The following NELL1 variants were observed in gnomAD, a reference collection of about 807,000 sequenced individuals.
The protein encoded by NELL1 is protein kinase C-binding protein NELL1.
NELL1 carries 76 observed loss-of-function variants against 107.4 expected under a neutral mutation model. The observed-to-expected ratio is 0.71, with a 90% confidence interval of 0.59 to 0.86. The LOEUF (loss-of-function observed/expected upper bound fraction) is 0.86, where lower values mean the gene tolerates loss of function less well. Among genes scored for constraint, NELL1 ranks in the 40% least tolerant of loss-of-function variants. The pLI is 0.00. For missense variants in NELL1, 1,024 were observed against 1,005.5 expected (o/e 1.02, Z -0.25); for synonymous variants, 353 against 341.2 (o/e 1.03, Z -0.38).
chr11:21,256,858 G>C (rs78169602), intron 14 of NELL1, among the ~76,000 whole-genome samples: 4,129 of 152,056 alleles, frequency 0.027, 73 homozygotes, highest in Admixed American at 0.055. Context: ...AGGGCAATGG[G>C]CAAGTGAGAC....
intron 2 of NELL1, among the ~76,000 whole-genome samples, chr11:20,680,993 C>A (rs1451812809): frequency 6.6e-6 from 1 of 152,134 alleles, no homozygotes; most frequent in African/African-American, 2.4e-5. Flanking sequence ...ACTGAGATGG[C>A]TGAAGGGAAT....
chr11:20,837,912 C>T (rs1848562038), intron 3 of NELL1, among the ~76,000 whole-genome samples: 2 of 152,024 alleles, frequency 1.3e-5, no homozygotes, highest in South Asian at 4.1e-4. Context: ...TTTCAATATT[C>T]CATCCTCAAG....
intron 18 of NELL1, among the ~76,000 whole-genome samples, chr11:21,572,111 A>T (rs1391768219): frequency 6.7e-6 from 1 of 149,390 alleles, no homozygotes; most frequent in African/African-American, 2.4e-5. Context: ...GGACAAAAAA[A>T]GTCAATACAA....
intron 13 of NELL1, among the ~76,000 whole-genome samples, chr11:21,167,429 A>G: frequency 6.6e-6 from 1 of 151,800 alleles, no homozygotes; most frequent in Non-Finnish European, 1.5e-5. Flanking sequence ...TGGTTGGCTT[A>G]AGCAGTTAAG....
At chr11:20,978,330 AT>A (rs545742173) in intron 12 of NELL1, among the ~76,000 whole-genome samples, 19 of 152,304 alleles carry the variant, frequency 1.2e-4, no homozygotes, top group Admixed American at 1.2e-3. Flanking sequence ...TATTATTCCC[AT>A]AAAACCAAAG....
At position 21,031,187 on chromosome 11, in the gene NELL1, A is replaced by G. The variant is rs557946128; in HGVS notation, c.1300+70627A>G. Among the ~76,000 whole-genome samples the G allele has an allele frequency of 8.5e-5, 13 of 152,312 alleles. No homozygotes were observed. In the South Asian group the frequency reaches 1.4e-3, roughly 17 times the overall value. On this transcript the variant is annotated intron_variant, in intron 12 of 19. Coordinates refer to ENST00000357134, the MANE Select transcript of NELL1 (RefSeq NM_006157.5). ...AGGTAACATTGCACTGTACAGATAG[A>G]CCGTTCTGTGCACTTCCCTGCTGTT... is the stretch of plus-strand genomic sequence containing the variant.
At position 20,782,035 on chromosome 11, in the gene NELL1, C is replaced by T. The variant is rs565176957; in HGVS notation, c.185-1645C>T. Among the ~76,000 whole-genome samples, 5 of 135,042 alleles carry T rather than the reference C, an allele frequency of 3.7e-5. No homozygotes were observed. In the East Asian group the frequency reaches 1.0e-3, roughly 27 times the overall value. 88.6% of individuals were successfully genotyped at this position (135,042 alleles called of 152,430 possible). ...CAACCTGGTGACAGAGTGAGACCCT[C>T]ATCTCAAAAAAAAAAAAATAATAAT... On this transcript the variant is annotated intron_variant, in intron 2 of 19. Transcript: ENST00000357134.
At chr11:21,568,201 A>C (rs955771261) in intron 17 of NELL1, among the ~76,000 whole-genome samples, 1 of 151,872 alleles carries the variant, frequency 6.6e-6, no homozygotes, top group African/African-American at 2.4e-5. Context: ...TTAGTATTGT[A>C]GGCAATTGTA....
chr11:20,992,464 T>C (rs546974213), intron 12 of NELL1, among the ~76,000 whole-genome samples: 1 of 152,154 alleles, frequency 6.6e-6, no homozygotes, highest in Non-Finnish European at 1.5e-5. Flanking sequence ...AACCTGCTCG[T>C]TTTGTAGATT....
At chr11:21,383,261 G>T (rs1017864728) in intron 15 of NELL1, among the ~76,000 whole-genome samples, 2 of 100,378 alleles carry the variant, frequency 2.0e-5, no homozygotes, top group Non-Finnish European at 4.3e-5. Flanking sequence ...GAAACGATAA[G>T]CAGTATTCGG....
At chr11:21,521,069 A>G (rs1355092473) in intron 15 of NELL1, among the ~76,000 whole-genome samples, 12 of 151,856 alleles carry the variant, frequency 7.9e-5, no homozygotes, top group Admixed American at 7.9e-4. Context: ...CCTGACTTTT[A>G]CTGGTTTCTT....
At position 21,575,015 on chromosome 11, in the gene NELL1, A is replaced by ATAAT; in HGVS notation, c.2428_2431dup (p.Ter811=). On this transcript the variant is annotated frameshift_variant, in exon 20 of 20. Coordinates refer to ENST00000357134, the MANE Select transcript of NELL1 (RefSeq NM_006157.5). LOFTEE classifies it high-confidence loss of function. ...TCTGTGGATTTTGAGTGTCTTCAAA[A>ATAAT]TAATTGAAGTATTTACAGTGGACTC... 6.2e-7 allele frequency: 1 copy of ATAAT among 1,609,490 alleles called. No individual in the cohort carries two copies. The highest frequency in any genetic ancestry group is 8.5e-7 in the Non-Finnish European group (1 of 1,176,650).
intron 14 of NELL1, among the ~76,000 whole-genome samples, chr11:21,289,977 AG>A: frequency 6.6e-6 from 1 of 152,318 alleles, no homozygotes; most frequent in East Asian, 1.9e-4. Context: ...TCTAAAAGAA[AG>A]GAAGCAGCCC....
At chr11:20,854,103 C>A (rs1848837515) in intron 4 of NELL1, among the ~76,000 whole-genome samples, 1 of 152,108 alleles carries the variant, frequency 6.6e-6, no homozygotes, top group Non-Finnish European at 1.5e-5. Flanking sequence ...AACTCATTTG[C>A]TCTAATTTTC....
At chr11:20,979,481 A>G (rs1383018330) in intron 12 of NELL1, among the ~76,000 whole-genome samples, 1 of 152,190 alleles carries the variant, frequency 6.6e-6, no homozygotes, top group Non-Finnish European at 1.5e-5. Flanking sequence ...TCCCAAAACA[A>G]TGAAATAATC....
intron 15 of NELL1, among the ~76,000 whole-genome samples, chr11:21,528,435 A>C (rs2133964128): frequency 6.6e-6 from 1 of 151,312 alleles, no homozygotes; most frequent in African/African-American, 2.4e-5. Context: ...GGAATCGATT[A>C]GCTCCCATGG....
intron 13 of NELL1, among the ~76,000 whole-genome samples, chr11:21,127,722 T>C (rs570316984): frequency 3.3e-5 from 5 of 152,308 alleles, no homozygotes; most frequent in African/African-American, 1.2e-4. Flanking sequence ...TTATGTCTGT[T>C]TTCAATGCCT....
intron 15 of NELL1, among the ~76,000 whole-genome samples, chr11:21,409,694 G>A (rs778219927): frequency 2.1e-4 from 32 of 151,980 alleles, no homozygotes; most frequent in Non-Finnish European, 3.2e-4. Context: ...TAGATTTTCC[G>A]TCTCGAAATT....
chr11:21,007,240 T>C (rs993725227), intron 12 of NELL1, among the ~76,000 whole-genome samples: 1 of 152,118 alleles, frequency 6.6e-6, no homozygotes, highest in Non-Finnish European at 1.5e-5. Flanking sequence ...GTGTTGAGGG[T>C]AGGCATTTCT....
Sources: allele counts gnomAD v4.1 joint callset (sites outside exome capture counted in the v4.1 genomes callset), GRCh38; gene constraint gnomAD v4.1.1; transcripts MANE v1.5; gene names NCBI Gene and HGNC (gene_info 2026-07-23, HGNC 2026-07-21).